The following RUNDC3B variants were observed in gnomAD, a reference collection of about 807,000 sequenced individuals.
RUNDC3B encodes the protein RUN domain-containing protein 3B.
A neutral mutation model predicts 58.4 loss-of-function variants in RUNDC3B; 33 were observed. The observed-to-expected ratio is 0.56, with a 90% CI of 0.43 to 0.75. RUNDC3B has a LOEUF of 0.75. RUNDC3B is among the 30% of genes least tolerant of loss of function. RUNDC3B has a pLI of 0.00. For synonymous variants in RUNDC3B, 193 were observed against 195.2 expected, an observed-to-expected ratio of 0.99 and a Z score of 0.10; for missense variants, 501 against 535.7, an observed-to-expected ratio of 0.94 and a Z score of 0.64.
At position 87,788,298 on chromosome 7, in the gene RUNDC3B, C is replaced by T. The variant is rs188953901; in HGVS notation, c.956+10343C>T. ...ATTAGTTGGGTGTGGTGCTGTGTGC[C>T]TGTAGTCCTAGTTTTTTGGGAGGAA... On this transcript the variant is annotated intron_variant, in intron 8 of 10. Transcript: ENST00000394654. Among the ~76,000 whole-genome samples, 422 of 152,248 alleles carry T rather than the reference C, an allele frequency of 2.8e-3. 2 individuals carry two copies. Among genetic ancestry groups the T allele is most frequent in the Non-Finnish European group, 4.8e-3 (329 of 68,010 alleles).
At position 87,682,432 on chromosome 7, in the gene RUNDC3B, G is replaced by C. The variant is rs1827019211; in HGVS notation, c.239-17989G>C. ...ATCAGAAGACTCATTGTCTATGGAG[G>C]CTAGAGCCTTAAGAAATATACTTTT... On this transcript the variant is annotated intron_variant, in intron 2 of 10. Coordinates refer to ENST00000394654, the MANE Select transcript of RUNDC3B (RefSeq NM_001134405.2). Among the ~76,000 whole-genome samples, 3 of 152,162 alleles carry C rather than the reference G, an allele frequency of 2.0e-5. No homozygotes were observed. The South Asian group carries it at 6.2e-4, about 32-fold the overall frequency.
At chr7:87,808,500 T>C (rs923028450) in intron 9 of RUNDC3B, among the ~76,000 whole-genome samples, 2 of 152,294 alleles carry the variant, frequency 1.3e-5, no homozygotes, top group African/African-American at 4.8e-5. Flanking sequence ...GAGTTCAAAG[T>C]AAATTTGACT....
chr7:87,823,791 T>TACACACAC (rs113441553), intron 10 of RUNDC3B, among the ~76,000 whole-genome samples: 2 of 143,786 alleles, frequency 1.4e-5, no homozygotes, highest in African/African-American at 5.1e-5. Flanking sequence ...TTCATATATA[T>TACACACAC]ACACACACAC....
intron 8 of RUNDC3B, among the ~76,000 whole-genome samples, chr7:87,793,218 A>G (rs1054828792): frequency 6.6e-6 from 1 of 152,128 alleles, no homozygotes; most frequent in African/African-American, 2.4e-5. Context: ...GCATCATAGT[A>G]AGGAAAACCC....
Position 87,628,580 on chromosome 7 carries a change from CGT to C in RUNDC3B, c.-242_-241del, listed in dbSNP as rs1430415147. On this transcript the variant is annotated 5_prime_UTR_variant, in exon 1 of 11. Coordinates refer to ENST00000394654, the MANE Select transcript of RUNDC3B (RefSeq NM_001134405.2). ...GCGCCGAGGGCGGAGGTGGTGCGTG[CGT>C]GCGTGTGTGTGTGTGTGTGTGTGTG... 4 of 292,758 alleles carry C rather than the reference CGT, an allele frequency of 1.4e-5. No homozygotes were observed. The highest frequency in any genetic ancestry group is 2.3e-5 in the Non-Finnish European group (4 of 173,304). 18.1% of individuals were successfully genotyped at this position (292,758 alleles called of 1,614,324 possible).
chr7:87,749,353 A>C (rs780205241), intron 6 of RUNDC3B, among the ~76,000 whole-genome samples: 4 of 152,114 alleles, frequency 2.6e-5, no homozygotes, highest in Non-Finnish European at 5.9e-5. Context: ...TTTTTGTCTG[A>C]ATTTTTTTAA....
intron 2 of RUNDC3B, among the ~76,000 whole-genome samples, chr7:87,686,853 G>C (rs1827513215): frequency 6.6e-6 from 1 of 151,324 alleles, no homozygotes; most frequent in South Asian, 2.1e-4. Flanking sequence ...GCTAAGGTGG[G>C]AGGGTCACCT....
At chr7:87,744,580 A>G (rs1440475733) in intron 6 of RUNDC3B, among the ~76,000 whole-genome samples, 2 of 152,112 alleles carry the variant, frequency 1.3e-5, no homozygotes, top group African/African-American at 2.4e-5. Context: ...TTTTTCAGCT[A>G]TTGTAAAAGG....
At chr7:87,755,344 C>T (rs1446392517) in intron 6 of RUNDC3B, among the ~76,000 whole-genome samples, 1 of 152,068 alleles carries the variant, frequency 6.6e-6, no homozygotes, top group East Asian at 1.9e-4. Context: ...TCTGATGAAA[C>T]TATTCCAAAA....
At chr7:87,693,802 A>T (rs1828230841) in intron 2 of RUNDC3B, 3 of 1,057,026 alleles carry the variant, frequency 2.8e-6, no homozygotes, top group African/African-American at 3.2e-5. Context: ...TACTGCTTCA[A>T]AATTATATGT....
chr7:87,821,479 AG>A (rs1377511319), intron 10 of RUNDC3B, among the ~76,000 whole-genome samples: 2 of 152,338 alleles, frequency 1.3e-5, no homozygotes, highest in African/African-American at 4.8e-5. Context: ...GGTAATTTAC[AG>A]ATTCAATGCC....
At chr7:87,772,959 A>G (rs1454426634) in intron 7 of RUNDC3B, among the ~76,000 whole-genome samples, 1 of 152,168 alleles carries the variant, frequency 6.6e-6, no homozygotes, top group East Asian at 1.9e-4. Context: ...TTATGTCAAT[A>G]TCATTAAACA....
chr7:87,716,578 G>A (rs1830566920), intron 4 of RUNDC3B, among the ~76,000 whole-genome samples: 4 of 152,118 alleles, frequency 2.6e-5, no homozygotes, highest in Admixed American at 1.3e-4. Flanking sequence ...TCTCTGCGTA[G>A]CCTGCAAACT....
chr7:87,688,190 C>T (rs1204323854), intron 2 of RUNDC3B, among the ~76,000 whole-genome samples: 1 of 152,000 alleles, frequency 6.6e-6, no homozygotes, highest in African/African-American at 2.4e-5. Context: ...AGAAAATCAT[C>T]GTATTCATGT....
intron 1 of RUNDC3B, among the ~76,000 whole-genome samples, chr7:87,637,945 C>T (rs1046344301): frequency 6.6e-6 from 1 of 151,846 alleles, no homozygotes; most frequent in African/African-American, 2.4e-5. Context: ...TTGCAGAAAA[C>T]GTTCAAAATT....
chr7:87,824,875 A>C (rs1837713965), intron 10 of RUNDC3B, among the ~76,000 whole-genome samples: 1 of 152,158 alleles, frequency 6.6e-6, no homozygotes, highest in Non-Finnish European at 1.5e-5. Context: ...CTTGAAAGAG[A>C]TGATTTAGGG....
chr7:87,670,840 A>G (rs546320060), intron 2 of RUNDC3B, among the ~76,000 whole-genome samples: 29 of 152,170 alleles, frequency 1.9e-4, no homozygotes, highest in African/African-American at 4.3e-4. Flanking sequence ...TGGCTCCCCT[A>G]TGTTTCCTCA....
chr7:87,723,160 A>G (rs895672823), intron 4 of RUNDC3B, among the ~76,000 whole-genome samples: 1 of 152,212 alleles, frequency 6.6e-6, no homozygotes, highest in Non-Finnish European at 1.5e-5. Flanking sequence ...TGGATTTTTA[A>G]CTATTGAAAT....
At chr7:87,806,536 C>G (rs1018738962) in intron 8 of RUNDC3B, among the ~76,000 whole-genome samples, 6 of 152,120 alleles carry the variant, frequency 3.9e-5, no homozygotes, top group African/African-American at 1.4e-4. Flanking sequence ...AGAGTAAGAC[C>G]TTTGCTTTTA....
Sources: gnomAD v4.1 joint callset for allele counts (sites outside exome capture counted in the v4.1 genomes callset) on GRCh38, gnomAD v4.1.1 for gene constraint, MANE v1.5 for transcripts, NCBI Gene and HGNC (gene_info 2026-07-23, HGNC 2026-07-21) for gene names.